Variants in TMEM108 observed in about 807,000 individuals in gnomAD.
TMEM108 encodes the protein cancer/testis antigen 124.
A neutral mutation model predicts 35.1 loss-of-function variants in TMEM108; 12 were observed. That is an observed-to-expected ratio of 0.34 (90% CI 0.22 to 0.55). TMEM108 has a LOEUF of 0.55. TMEM108 is among the 20% of genes least tolerant of loss of function. The pLI is 0.89. For synonymous variants in TMEM108, 287 were observed against 308.6 expected, an observed-to-expected ratio of 0.93 and a Z score of 0.73; for missense variants, 680 against 753.3, an observed-to-expected ratio of 0.90 and a Z score of 1.14.
At position 133,380,186 on chromosome 3, in the gene TMEM108, C is replaced by T. The variant is rs757121911; in HGVS notation, c.475C>T (p.Arg159Cys). 13 of 1,611,486 alleles carry T rather than the reference C, an allele frequency of 8.1e-6. No individual in the cohort carries two copies. The highest frequency in any genetic ancestry group is 6.7e-5 in the Admixed American group (4 of 59,744). Residue 159 changes from arginine to cysteine, a missense_variant, in exon 4 of 6, where the codon CGC becomes TGC. Around this residue, in one of 3 missense-constraint regions of TMEM108, gnomAD observed 526 missense variants for 532.1 expected, o/e 0.99. Transcript: ENST00000321871. The surrounding 1 kb of genome is among the most constrained non-coding windows in gnomAD (Gnocchi z 5.3). ...CAGCCGCCCCACCACAGCGCCCCCC[C>T]GCACTACCACACGCAGGCCCCCCAG... ...ATSRPTTAPPRTTTRRPPRPP... is the reference protein window; with the variant it reads ...ATSRPTTAPPCTTTRRPPRPP...
At chr3:133,144,739 A>G (rs1452982446) in intron 2 of TMEM108, among the ~76,000 whole-genome samples, 1 of 151,922 alleles carries the variant, frequency 6.6e-6, no homozygotes, top group Non-Finnish European at 1.5e-5. Flanking sequence ...GCTTTTTTTC[A>G]TATTTGTTGG....
At chr3:133,143,350 G>C (rs937475275) in intron 2 of TMEM108, among the ~76,000 whole-genome samples, 1 of 151,564 alleles carries the variant, frequency 6.6e-6, no homozygotes, top group Non-Finnish European at 1.5e-5. Context: ...AGATTTCATA[G>C]ATTAATGTAT....
intron 2 of TMEM108, among the ~76,000 whole-genome samples, chr3:133,175,427 G>C (rs1267951815): frequency 1.3e-5 from 2 of 152,290 alleles, no homozygotes; most frequent in Non-Finnish European, 1.5e-5. Context: ...AGAGAGAAAG[G>C]TCGGGTTACC....
intron 2 of TMEM108, among the ~76,000 whole-genome samples, chr3:133,177,611 C>T (rs182744665): frequency 6.6e-6 from 1 of 152,198 alleles, no homozygotes; most frequent in Non-Finnish European, 1.5e-5. Context: ...AGACAAAATT[C>T]AACAACGCTT....
intron 2 of TMEM108, among the ~76,000 whole-genome samples, chr3:133,220,082 G>GTTTT (rs57936804): frequency 7.9e-5 from 11 of 139,344 alleles, no homozygotes; most frequent in East Asian, 4.1e-4. Flanking sequence ...TGTTTCTTCG[G>GTTTT]TTTTTTTTTT....
intron 3 of TMEM108, among the ~76,000 whole-genome samples, chr3:133,318,191 G>C (rs1294945301): frequency 6.6e-6 from 1 of 152,194 alleles, no homozygotes; most frequent in Non-Finnish European, 1.5e-5. Context: ...ACACCAAGTA[G>C]TGTTCTTTTG....
At chr3:133,371,329 A>G (rs1243675524) in intron 3 of TMEM108, among the ~76,000 whole-genome samples, 1 of 152,156 alleles carries the variant, frequency 6.6e-6, no homozygotes, top group Non-Finnish European at 1.5e-5. Context: ...GCATGGGCTG[A>G]GTCTAAGTCA....
chr3:133,306,018 A>G (rs546876995), intron 3 of TMEM108, among the ~76,000 whole-genome samples: 37 of 151,888 alleles, frequency 2.4e-4, no homozygotes, highest in Non-Finnish European at 1.0e-4. Flanking sequence ...TTATGCAGAT[A>G]TTTTCTCCTG....
chr3:133,192,442 GGA>G (rs1945512567), intron 2 of TMEM108, among the ~76,000 whole-genome samples: 1 of 152,068 alleles, frequency 6.6e-6, no homozygotes, highest in African/African-American at 2.4e-5. Flanking sequence ...AATTGCCTAG[GGA>G]GAGTGTTTAG....
chr3:133,212,866 C>CA (rs61575298), intron 2 of TMEM108, among the ~76,000 whole-genome samples: 3,537 of 82,096 alleles, frequency 0.043, 240 homozygotes, highest in African/African-American at 0.17. Context: ...GACTCTGTCT[C>CA]AAAAAAAAAA....
chr3:133,096,152 AG>A (rs1385980038), intron 2 of TMEM108, among the ~76,000 whole-genome samples: 3 of 152,058 alleles, frequency 2.0e-5, no homozygotes, highest in African/African-American at 7.2e-5. Context: ...CTGAGGATGC[AG>A]TGGTGGTTTT....
At chr3:133,088,833 T>G (rs1943913832) in intron 2 of TMEM108, among the ~76,000 whole-genome samples, 1 of 152,204 alleles carries the variant, frequency 6.6e-6, no homozygotes, top group African/African-American at 2.4e-5. Context: ...CTGTGAGCAA[T>G]TGTCTGATCC....
chr3:133,320,381 C>T (rs968871707), intron 3 of TMEM108, among the ~76,000 whole-genome samples: 4 of 149,908 alleles, frequency 2.7e-5, no homozygotes, highest in African/African-American at 9.8e-5. Flanking sequence ...TAGAGAAATA[C>T]AAAATATACT....
At chr3:133,235,716 A>G (rs1038409699) in intron 3 of TMEM108, among the ~76,000 whole-genome samples, 3 of 152,120 alleles carry the variant, frequency 2.0e-5, no homozygotes, top group African/African-American at 7.2e-5. Flanking sequence ...TGCTCTAACT[A>G]ACATTTGTGT....
chr3:133,315,714 C>T (rs924653291), intron 3 of TMEM108, among the ~76,000 whole-genome samples: 14 of 152,180 alleles, frequency 9.2e-5, no homozygotes, highest in African/African-American at 1.2e-4. Flanking sequence ...TAAAGACCAA[C>T]GAAGTAGCCG....
chr3:133,248,061 A>T (rs55716424), intron 3 of TMEM108: 46,406 of 152,032 alleles, frequency 0.31, 7,818 homozygotes, highest in East Asian at 0.47. Context: ...CATGTTCTTA[A>T]ATCCAACTTA....
At chr3:133,138,499 TG>T (rs1944596365) in intron 2 of TMEM108, among the ~76,000 whole-genome samples, 1 of 152,168 alleles carries the variant, frequency 6.6e-6, no homozygotes, top group Non-Finnish European at 1.5e-5. Flanking sequence ...GAGATTTTTT[TG>T]TGTGTGATTT....
At position 133,380,103 on chromosome 3, in the gene TMEM108, G is replaced by A; in HGVS notation, c.392G>A (p.Gly131Asp). 1.2e-6 allele frequency: 2 copies of A among 1,613,946 alleles called. No homozygotes were observed. The highest frequency in any genetic ancestry group is 1.7e-6 in the Non-Finnish European group (2 of 1,179,968). ...AMATTSSKPE[G>D]RPRGQAAPTI... ...GCAACCACATCCTCCAAGCCAGAGG[G>A]CCGCCCTCGAGGGCAGGCTGCCCCC... Residue 131 changes from glycine to aspartate, a missense_variant, in exon 4 of 6, where the codon GGC becomes GAC. Gly to Asp is a moderately conservative substitution (Grantham distance 94, BLOSUM62 -1). Transcript: ENST00000321871. The surrounding 1 kb of genome is among the most constrained non-coding windows in gnomAD (Gnocchi z 5.3).
intron 3 of TMEM108, among the ~76,000 whole-genome samples, chr3:133,307,513 T>C (rs1380191339): frequency 6.6e-6 from 1 of 152,186 alleles, no homozygotes; most frequent in Non-Finnish European, 1.5e-5. Context: ...AGGTCTAACA[T>C]TTAAGTCTTT....
Sources: allele counts gnomAD v4.1 joint callset (sites outside exome capture counted in the v4.1 genomes callset), GRCh38; gene constraint gnomAD v4.1.1; regional missense constraint gnomAD v4.1.1; non-coding constraint Gnocchi (gnomAD v3.1); transcripts MANE v1.5; gene names NCBI Gene and HGNC (gene_info 2026-07-23, HGNC 2026-07-21).